The following INPP4B variants were observed in gnomAD, a reference collection of about 807,000 sequenced individuals.
INPP4B encodes inositol polyphosphate-4-phosphatase type II B.
Under a neutral mutation model 122.5 loss-of-function variants are expected in INPP4B, and 55 were observed. The ratio of observed to expected loss-of-function variants is 0.45; its 90% confidence interval spans 0.36 to 0.56. The LOEUF (loss-of-function observed/expected upper bound fraction) is 0.56. INPP4B is among the 20% of genes least tolerant of loss of function. INPP4B has a pLI of 0.00. For missense variants in INPP4B, 1,000 were observed against 1,097.7 expected (o/e 0.91, Z 1.26); for synonymous variants, 403 against 388.7 (o/e 1.04, Z -0.43).
chr4:142,742,535 G>C (rs939759498), intron 1 of INPP4B, among the ~76,000 whole-genome samples: 10 of 151,762 alleles, frequency 6.6e-5, no homozygotes, highest in Admixed American at 2.0e-4. Flanking sequence ...ATGTCAGAAG[G>C]CTGTAGAAAA....
intron 2 of INPP4B, among the ~76,000 whole-genome samples, chr4:142,723,052 C>T (rs1032777388): frequency 2.6e-5 from 4 of 151,810 alleles, no homozygotes; most frequent in African/African-American, 9.7e-5. Context: ...AAAATAAAAC[C>T]AATCTGTAAA....
chr4:142,515,220 G>A (rs1825270809), intron 2 of INPP4B, among the ~76,000 whole-genome samples: 1 of 152,180 alleles, frequency 6.6e-6, no homozygotes, highest in Non-Finnish European at 1.5e-5. Context: ...AAGACTGTGT[G>A]TGGTCATCTA....
chr4:142,673,847 C>T (rs560931572), intron 2 of INPP4B, among the ~76,000 whole-genome samples: 8 of 152,140 alleles, frequency 5.3e-5, no homozygotes, highest in African/African-American at 1.4e-4. Flanking sequence ...TTCCTAGATG[C>T]GGTCAATTAC....
At chr4:142,116,079 T>C (rs1793176286) in intron 21 of INPP4B, among the ~76,000 whole-genome samples, 1 of 152,090 alleles carries the variant, frequency 6.6e-6, no homozygotes. Flanking sequence ...CATTACATAA[T>C]GGTAAAGGGA....
chr4:142,795,102 C>G (rs772312080), intron 1 of INPP4B: 1 of 151,664 alleles, frequency 6.6e-6, no homozygotes, highest in South Asian at 2.1e-4. Flanking sequence ...GAATAACTAC[C>G]GGTGTATGCA....
At chr4:142,554,471 T>G (rs1451101953) in intron 2 of INPP4B, among the ~76,000 whole-genome samples, 1 of 152,094 alleles carries the variant, frequency 6.6e-6, no homozygotes, top group African/African-American at 2.4e-5. Context: ...ACTCTGCTCA[T>G]GTCACACCCT....
intron 10 of INPP4B, among the ~76,000 whole-genome samples, chr4:142,264,911 G>A (rs1469097519): frequency 6.6e-6 from 1 of 152,024 alleles, no homozygotes; most frequent in Non-Finnish European, 1.5e-5. Flanking sequence ...GAGAAAAGGA[G>A]AAGATACCAA....
chr4:142,580,002 A>G (rs888110293), intron 2 of INPP4B, among the ~76,000 whole-genome samples: 1 of 151,560 alleles, frequency 6.6e-6, no homozygotes, highest in African/African-American at 2.4e-5. Context: ...AGAGACCCCC[A>G]AGGGAAGATA....
chr4:142,765,138 T>G (rs1771920825), intron 1 of INPP4B, among the ~76,000 whole-genome samples: 1 of 152,152 alleles, frequency 6.6e-6, no homozygotes, highest in African/African-American at 2.4e-5. Flanking sequence ...GTCATGGCAT[T>G]CTGCAACAAA....
intron 1 of INPP4B, among the ~76,000 whole-genome samples, chr4:142,810,038 TG>T (rs1244094320): frequency 2.0e-5 from 3 of 151,660 alleles, no homozygotes; most frequent in Non-Finnish European, 4.4e-5. Context: ...GTCATGGTGG[TG>T]GGTGCCTGTA....
chr4:142,738,912 G>A (rs916039412), intron 1 of INPP4B, among the ~76,000 whole-genome samples: 3 of 151,986 alleles, frequency 2.0e-5, no homozygotes, highest in East Asian at 1.9e-4. Flanking sequence ...TTCTTCTCAG[G>A]TTTTCTTAGC....
chr4:142,620,132 G>T (rs990095000), intron 2 of INPP4B, among the ~76,000 whole-genome samples: 1 of 151,890 alleles, frequency 6.6e-6, no homozygotes, highest in Non-Finnish European at 1.5e-5. Context: ...CTACCATTCG[G>T]CCCAACAATT....
chr4:142,469,861 T>C (rs1462457159), intron 2 of INPP4B, among the ~76,000 whole-genome samples: 2 of 152,128 alleles, frequency 1.3e-5, no homozygotes, highest in Non-Finnish European at 2.9e-5. Context: ...TGCATATAGA[T>C]AGCGAACCTA....
chr4:142,212,463 T>C (rs1845333638), intron 12 of INPP4B, among the ~76,000 whole-genome samples: 1 of 152,126 alleles, frequency 6.6e-6, no homozygotes, highest in South Asian at 2.1e-4. Context: ...TTCTATGGAG[T>C]CTTGCTTGCT....
chr4:142,628,146 G>C (rs936004307), intron 2 of INPP4B, among the ~76,000 whole-genome samples: 11 of 150,650 alleles, frequency 7.3e-5, no homozygotes, highest in African/African-American at 2.7e-4. Flanking sequence ...CAATAGCAAA[G>C]ACTTGGAACC....
chr4:142,662,892 G>T (rs1485069591), intron 2 of INPP4B, among the ~76,000 whole-genome samples: 2 of 152,136 alleles, frequency 1.3e-5, no homozygotes, highest in African/African-American at 2.4e-5. Context: ...TTGAGAAATA[G>T]TTATAATCTT....
chr4:142,781,047 T>A (rs921109756), intron 1 of INPP4B, among the ~76,000 whole-genome samples: 1 of 152,194 alleles, frequency 6.6e-6, no homozygotes, highest in African/African-American at 2.4e-5. Flanking sequence ...GCTATAACAA[T>A]GCGGTTCTTT....
chr4:142,716,396 C>G (rs1052854699), intron 2 of INPP4B, among the ~76,000 whole-genome samples: 1 of 152,208 alleles, frequency 6.6e-6, no homozygotes, highest in Non-Finnish European at 1.5e-5. Flanking sequence ...TCGCATCTTT[C>G]TAATACTTGC....
At chr4:142,684,601 G>A (rs542054413) in intron 2 of INPP4B, among the ~76,000 whole-genome samples, 2 of 151,944 alleles carry the variant, frequency 1.3e-5, no homozygotes, top group South Asian at 2.1e-4. Flanking sequence ...AATTTAGGAC[G>A]GTGAAAGAAA....
Sources: gnomAD v4.1 joint callset for allele counts (sites outside exome capture counted in the v4.1 genomes callset) on GRCh38, gnomAD v4.1.1 for gene constraint, MANE v1.5 for transcripts, NCBI Gene and HGNC (gene_info 2026-07-23, HGNC 2026-07-21) for gene names.